VPS4A: variants seen among roughly 807,000 people sequenced by gnomAD.
VPS4A encodes vacuolar protein sorting 4 homolog A, also known as vacuolar protein sorting-associated protein 4A.
Under a neutral mutation model 52.3 loss-of-function variants are expected in VPS4A, and 20 were observed. That is an observed-to-expected ratio of 0.38 (90% CI 0.27 to 0.56). VPS4A has a LOEUF of 0.56. Ranked by LOEUF, VPS4A falls within the 20% of genes least tolerant of loss-of-function variation. The pLI is 0.72. For missense variants in VPS4A, 419 were observed against 575.9 expected, an observed-to-expected ratio of 0.73 and a Z score of 2.79; for synonymous variants, 293 against 227.7, an observed-to-expected ratio of 1.29 and a Z score of -2.58.
chr16:69,318,291 G>A (rs1390970711), intron 3 of VPS4A, among the ~76,000 whole-genome samples: 1 of 152,152 alleles, frequency 6.6e-6, no homozygotes, highest in Non-Finnish European at 1.5e-5. Flanking sequence ...GAGAGCCACT[G>A]CAGGTGGCCT....
At position 69,319,407 on chromosome 16, in the gene VPS4A, G is replaced by A; in HGVS notation, c.484G>A (p.Gly162Arg). 6.2e-7 allele frequency: 1 copy of A among 1,613,980 alleles called. No homozygotes were observed. Among genetic ancestry groups the A allele is most frequent in the Non-Finnish European group, 8.5e-7 (1 of 1,179,854 alleles). ...TGCAGGCAAGCGCACCCCCTGGCGG[G>A]GGATTCTGCTGTTCGGACCCCCTGG... ...LFTGKRTPWR[G>R]ILLFGPPGTG... Residue 162 changes from glycine to arginine, a missense_variant, in exon 6 of 11, where the codon GGG (glycine) becomes AGG (arginine). Gly to Arg is a moderately radical substitution (Grantham distance 125). Transcript: ENST00000254950.
chr16:69,313,616 C>A (rs1221733506), intron 1 of VPS4A, among the ~76,000 whole-genome samples: 1 of 152,058 alleles, frequency 6.6e-6, no homozygotes, highest in African/African-American at 2.4e-5. Context: ...CATGAAAATC[C>A]TATGAAATTC....
In VPS4A at chr16:69,322,500, G is replaced by A. The variant is rs1965525914; in HGVS notation, c.1072-60G>A. On this transcript the variant is annotated intron_variant, in intron 9 of 10. Transcript: ENST00000254950. The stretch of plus-strand genomic sequence containing the variant: ...CTTTGGGACTTCCTTAGAGACCGGA[G>A]GGGTCGAGCCCCTCTGACACTGAGG... 8.5e-6 allele frequency: 13 copies of A among 1,530,276 alleles called. No individual in the cohort carries two copies. In the South Asian group the frequency reaches 1.5e-4, roughly 18 times the overall value. The allele number at this position is 1,530,276 out of a possible 1,614,324, so 94.8% of individuals were successfully genotyped here. A position where few individuals can be genotyped will look rare whatever the true frequency, so the allele number is the denominator to read the frequency against.
intron 6 of VPS4A, 94 bp downstream of exon 6, chr16:69,319,637 T>C: frequency 6.7e-7 from 1 of 1,486,344 alleles, no homozygotes; most frequent in Non-Finnish European, 9.0e-7. Flanking sequence ...AGAGGAGTGG[T>C]TTGGTTTTCA....
At chr16:69,319,278 T>C in intron 5 of VPS4A, 109 bp from the exon 6 acceptor site, 2 of 1,480,098 alleles carry the variant, frequency 1.4e-6, no homozygotes, top group Non-Finnish European at 1.8e-6. Context: ...TAGAGTCCGT[T>C]GTTTCACAGA....
intron 3 of VPS4A, among the ~76,000 whole-genome samples, chr16:69,316,841 C>T (rs1965443047): frequency 1.3e-5 from 2 of 152,202 alleles, no homozygotes; most frequent in African/African-American, 4.8e-5. Context: ...GGTGGGGCGG[C>T]CGGCTCGGGT....
chr16:69,319,957 C>T (rs1002857928), intron 6 of VPS4A, among the ~76,000 whole-genome samples, 184 bp from the exon 7 acceptor site: 1 of 152,196 alleles, frequency 6.6e-6, no homozygotes, highest in African/African-American at 2.4e-5. Context: ...GGGCTGACAC[C>T]AAGGTGTGCT....
intron 1 of VPS4A, 33 bp downstream of exon 1, chr16:69,311,565 C>T: frequency 7.8e-7 from 1 of 1,288,014 alleles, no homozygotes; most frequent in Non-Finnish European, 9.9e-7. Flanking sequence ...ACTTCGGAGG[C>T]CGAAGGCAGC....
chr16:69,318,551 C>T (rs1206825047), intron 3 of VPS4A, 99 bp from the exon 4 acceptor site: 21 of 1,347,820 alleles, frequency 1.6e-5, no homozygotes, highest in Non-Finnish European at 2.2e-5. Context: ...AGGCTTCGTT[C>T]CTTAACCAGT....
At position 69,324,452 on chromosome 16, in the gene VPS4A, G is replaced by A. The variant is rs1157166764; in HGVS notation, c.*143G>A. On this transcript the variant is annotated 3_prime_UTR_variant, in exon 11 of 11. Coordinates refer to ENST00000254950, the MANE Select transcript of VPS4A (RefSeq NM_013245.3). The stretch of plus-strand genomic sequence containing the variant: ...CTCTGCTGTCTGGCCGTCTGCCAGG[G>A]AGCCAGAAGGAAGGGCCTTGCAGCC... 1 of 883,914 alleles carries A rather than the reference G, an allele frequency of 1.1e-6. No individual in the cohort carries two copies. Among genetic ancestry groups the A allele is most frequent in the Non-Finnish European group, 1.8e-6 (1 of 569,772 alleles). 54.8% of individuals were successfully genotyped at this position (883,914 alleles called of 1,614,324 possible). A position where few individuals can be genotyped will look rare whatever the true frequency, so the allele number is the denominator to read the frequency against.
rs1330640849 is a variant in VPS4A, at chr16:69,318,167, A to G, written c.282-483A>G. Among the ~76,000 whole-genome samples, 5 of 152,166 alleles carry G rather than the reference A, an allele frequency of 3.3e-5. 1 individual carries two copies. The highest frequency in any genetic ancestry group is 4.2e-4 in the South Asian group (2 of 4,818). ...ATTTTGTGTTTTTTGTAGAGACAAG[A>G]TCTCGCTGTTTCCCAGGCTGGTCTC... On this transcript the variant is annotated intron_variant, in intron 3 of 10. Transcript: ENST00000254950.
intron 1 of VPS4A, among the ~76,000 whole-genome samples, chr16:69,313,492 AAC>A (rs918738383): frequency 4.6e-5 from 7 of 152,118 alleles, no homozygotes; most frequent in African/African-American, 1.7e-4. Context: ...ACTTTATATA[AAC>A]AGAGTCATAC....
intron 1 of VPS4A, among the ~76,000 whole-genome samples, chr16:69,314,394 G>A (rs1400398265): frequency 6.6e-6 from 1 of 152,114 alleles, no homozygotes; most frequent in Non-Finnish European, 1.5e-5. Context: ...TGAAGCTACA[G>A]AGAGTGAAAA....
chr16:69,324,353 G>C lies in VPS4A; in HGVS notation c.*44G>C, dbSNP rs759118405. On this transcript the variant is annotated 3_prime_UTR_variant, in exon 11 of 11. Coordinates refer to ENST00000254950, the MANE Select transcript of VPS4A (RefSeq NM_013245.3). ...AATGGTGAAGGTGGGAGGTTGATTG[G>C]GGCAAATCCAGGCACTCCCCATGTC... 7 of 1,592,152 alleles carry C rather than the reference G, an allele frequency of 4.4e-6. No individual in the cohort carries two copies. Among genetic ancestry groups the C allele is most frequent in the Non-Finnish European group, 6.0e-6 (7 of 1,165,646 alleles).
chr16:69,320,431 A>G lies in VPS4A; in HGVS notation c.769+142A>G. 1 of 1,251,836 alleles carries G rather than the reference A, an allele frequency of 8.0e-7. No individual in the cohort carries two copies. 77.5% of individuals were successfully genotyped at this position (1,251,836 alleles called of 1,614,324 possible). ...CTCCAGCCCCTCAGGGCACGGGTGG[A>G]CTTCAATTCCCAAGAGGTGCCTGAG... On this transcript the variant is annotated intron_variant, in intron 7 of 10. Transcript: ENST00000254950. The surrounding 1 kb of genome is among the most constrained non-coding windows in gnomAD (Gnocchi z 4.2).
rs940836779 is a variant in VPS4A, at chr16:69,316,268, G to A, written c.177G>A (p.Lys59=). The A allele has an allele frequency of 6.2e-7, 1 of 1,613,696 alleles. No homozygotes were observed. Among genetic ancestry groups the A allele is most frequent in the African/African-American group, 1.3e-5 (1 of 74,924 alleles). The change falls in exon 3 of 11, where the codon AAG becomes AAA. Residue 59 remains lysine, a synonymous_variant. Transcript: ENST00000254950. ...SDKAKESIRA[K]CVQYLDRAEK... ...AGGCCAAGGAGAGCATTCGAGCCAA[G>A]TGCGTGCAGTACCTAGACCGGGCCG...
intron 10 of VPS4A, chr16:69,323,269 ACCT>A (rs1965536562): frequency 5.4e-6 from 1 of 186,330 alleles, no homozygotes; most frequent in African/African-American, 2.4e-5. Flanking sequence ...CAATCTTCTG[ACCT>A]CAGCCTCCTG....
At chr16:69,317,379 G>A (rs576598034) in intron 3 of VPS4A, among the ~76,000 whole-genome samples, 47 of 152,218 alleles carry the variant, frequency 3.1e-4, no homozygotes, top group African/African-American at 9.9e-4. Context: ...CTTCTGGTGC[G>A]GGGCATGGTG....
chr16:69,319,591 A>G (rs1431628889), intron 6 of VPS4A, 48 bp downstream of exon 6: 26 of 1,578,732 alleles, frequency 1.6e-5, no homozygotes, highest in Non-Finnish European at 2.1e-5. Context: ...CGGCACTGCT[A>G]GTGACCCAGC....
Sources: allele counts gnomAD v4.1 joint callset (sites outside exome capture counted in the v4.1 genomes callset), GRCh38; gene constraint gnomAD v4.1.1; non-coding constraint Gnocchi (gnomAD v3.1); transcripts MANE v1.5; gene names NCBI Gene and HGNC (gene_info 2026-07-23, HGNC 2026-07-21).